DPYSL5: variants seen among roughly 807,000 people sequenced by gnomAD.
The protein encoded by DPYSL5 is dihydropyrimidinase like 5.
DPYSL5 carries 9 observed loss-of-function variants against 58.4 expected under a neutral mutation model. The observed-to-expected ratio is 0.15, with a 90% CI of 0.09 to 0.27. The LOEUF is 0.27. DPYSL5 is among the 10% of genes least tolerant of loss of function. The probability of loss-of-function intolerance (pLI) is 1.00; values close to 1 mark genes in which losing one functional copy is unlikely to be tolerated. For missense variants in DPYSL5, 499 were observed against 770.6 expected, an observed-to-expected ratio of 0.65 and a Z score of 4.17; for synonymous variants, 293 against 301.9, an observed-to-expected ratio of 0.97 and a Z score of 0.31.
chr2:26,940,140 G>A lies in DPYSL5; in HGVS notation c.1057G>A (p.Asp353Asn). The change falls in exon 9 of 13, where the codon GAC (aspartate) becomes AAC (asparagine). Residue 353 changes from aspartate to asparagine, a missense_variant. This residue lies in a region of DPYSL5 where 404 missense variants were observed against 647.6 expected (regional missense o/e 0.62). Coordinates refer to ENST00000288699, the MANE Select transcript of DPYSL5 (RefSeq NM_020134.4). The part of the protein sequence containing the change: ...KIPHGVSGVQ[D>N]RMSVIWERGV... ...CCCACATGGAGTGAGTGGCGTGCAG[G>A]ACCGCATGAGCGTCATCTGGGAGAG... 6.2e-7 allele frequency: 1 copy of A among 1,614,158 alleles called. No homozygotes were observed. The highest frequency in any genetic ancestry group is 2.2e-5 in the East Asian group (1 of 44,886).
chr2:26,879,634 T>C (rs914412031), intron 1 of DPYSL5, among the ~76,000 whole-genome samples: 18 of 152,178 alleles, frequency 1.2e-4, no homozygotes, highest in Non-Finnish European at 1.6e-4. Context: ...GATTTCCGTG[T>C]GTGACGAGCT....
intron 1 of DPYSL5, among the ~76,000 whole-genome samples, chr2:26,868,797 CATT>C (rs1371174982): frequency 6.6e-6 from 1 of 152,150 alleles, no homozygotes; most frequent in Non-Finnish European, 1.5e-5. Flanking sequence ...CTCTCAATTC[CATT>C]ATTATCTATT....
chr2:26,940,817 T>A (rs754738128), intron 9 of DPYSL5, among the ~76,000 whole-genome samples: 1 of 152,016 alleles, frequency 6.6e-6, no homozygotes, highest in Non-Finnish European at 1.5e-5. Flanking sequence ...TATTTAATCC[T>A]TCCCTGATGT....
At chr2:26,921,679 TG>T (rs1299654162) in intron 2 of DPYSL5, among the ~76,000 whole-genome samples, 1 of 152,214 alleles carries the variant, frequency 6.6e-6, no homozygotes, top group Non-Finnish European at 1.5e-5. Context: ...CATCAGTGTG[TG>T]GTGTGGGCTT....
At chr2:26,893,259 A>C (rs2148133314) in intron 1 of DPYSL5, among the ~76,000 whole-genome samples, 1 of 152,326 alleles carries the variant, frequency 6.6e-6, no homozygotes, top group Non-Finnish European at 1.5e-5. Context: ...GATTCCATGC[A>C]CTTGAGCCTG....
At chr2:26,931,152 A>AAAAAAAT (rs1209140758) in intron 5 of DPYSL5, among the ~76,000 whole-genome samples, 1 of 48,804 alleles carries the variant, frequency 2.0e-5, no homozygotes, top group African/African-American at 6.6e-5. Flanking sequence ...AAAAAAAAAA[A>AAAAAAAT]ATATATATAT....
rs769936301 is a variant in DPYSL5 at position 26,925,023 on chromosome 2, G to T, written c.398G>T (p.Gly133Val). The T allele has an allele frequency of 5.6e-6, 9 of 1,614,060 alleles. No homozygotes were observed. Among genetic ancestry groups the T allele is most frequent in the South Asian group, 2.2e-5 (2 of 91,074 alleles). ...TGCTGTGATTACGCCCTCCACGTGG[G>T]GATCACCTGGTGGGCACCCAAGGTA... is the stretch of plus-strand genomic sequence containing the variant. The part of the protein sequence containing the change: ...KVCCDYALHV[G>V]ITWWAPKVKA... The change falls in exon 3 of 13, where the codon GGG (glycine) becomes GTG (valine). Residue 133 changes from glycine to valine, a missense_variant. Around this residue, in one of 3 missense-constraint regions of DPYSL5, gnomAD observed 404 missense variants for 647.6 expected, o/e 0.62. Coordinates refer to ENST00000288699, the MANE Select transcript of DPYSL5 (RefSeq NM_020134.4). The surrounding 1 kb of genome is among the most constrained non-coding windows in gnomAD (Gnocchi z 4.5).
At chr2:26,926,271 A>G (rs533653007) in intron 3 of DPYSL5, among the ~76,000 whole-genome samples, 1 of 152,210 alleles carries the variant, frequency 6.6e-6, no homozygotes, top group Admixed American at 6.6e-5. Flanking sequence ...ATCACGCTGA[A>G]TGTCAGCCAT....
At chr2:26,885,823 C>T (rs756348745) in intron 1 of DPYSL5, among the ~76,000 whole-genome samples, 1 of 152,148 alleles carries the variant, frequency 6.6e-6, no homozygotes, top group African/African-American at 2.4e-5. Context: ...GTTCCTTGCC[C>T]CAGGGTTGGG....
At chr2:26,931,152 AAT>A (rs1553320830) in intron 5 of DPYSL5, among the ~76,000 whole-genome samples, 2 of 48,804 alleles carry the variant, frequency 4.1e-5, no homozygotes, top group Non-Finnish European at 8.3e-5. Context: ...AAAAAAAAAA[AAT>A]ATATATATAT....
chr2:26,915,827 T>C (rs1664549811), intron 2 of DPYSL5, among the ~76,000 whole-genome samples: 1 of 152,046 alleles, frequency 6.6e-6, no homozygotes, highest in African/African-American at 2.4e-5. Context: ...TCTCCTCTGA[T>C]CACCTCCATC....
intron 12 of DPYSL5, among the ~76,000 whole-genome samples, chr2:26,945,213 A>C (rs1356553656): frequency 2.9e-5 from 4 of 140,014 alleles, no homozygotes; most frequent in Admixed American, 7.1e-5. Flanking sequence ...ACCCCAGCCC[A>C]CTCCTCACCA....
Position 26,877,501 on chromosome 2 carries a change from G to A in DPYSL5, c.-4-20995G>A, listed in dbSNP as rs1663444213. ...CCCCACACCTGCTGAGTACATGCTG[G>A]GAAGATCATGTCAACCCTTGGAGCA... On this transcript the variant is annotated intron_variant, in intron 1 of 12. Coordinates refer to ENST00000288699, the MANE Select transcript of DPYSL5 (RefSeq NM_020134.4). This position sits in a 1 kb window ranked among gnomAD's most constrained non-coding sequence, Gnocchi z 4.1. Among the ~76,000 whole-genome samples the A allele has an allele frequency of 6.6e-6, 1 of 151,990 alleles. No individual in the cohort carries two copies. Among genetic ancestry groups the A allele is most frequent in the African/African-American group, 2.4e-5 (1 of 41,360 alleles).
Position 26,925,927 on chromosome 2 carries a change from T to C in DPYSL5, c.420+882T>C, listed in dbSNP as rs1664819349. Reference sequence around the variant, plus strand: ...GTTTTACCAACTCAGGAACTGCCTCTTCATTTTCCGTCAAAAACCCACTTG... The same window carrying C: ...GTTTTACCAACTCAGGAACTGCCTCCTCATTTTCCGTCAAAAACCCACTTG... On this transcript the variant is annotated intron_variant, in intron 3 of 12. Coordinates refer to ENST00000288699, the MANE Select transcript of DPYSL5 (RefSeq NM_020134.4). The surrounding 1 kb of genome is among the most constrained non-coding windows in gnomAD (Gnocchi z 4.5). 6.6e-6 allele frequency among the ~76,000 whole-genome samples: 1 copy of C among 152,218 alleles called. No individual in the cohort carries two copies. The highest frequency in any genetic ancestry group is 2.4e-5 in the African/African-American group (1 of 41,444).
intron 1 of DPYSL5, among the ~76,000 whole-genome samples, chr2:26,894,276 C>G (rs916919854): frequency 6.6e-6 from 1 of 152,004 alleles, no homozygotes; most frequent in African/African-American, 2.4e-5. Context: ...CAGTGGCTCC[C>G]CCACATCTTC....
In DPYSL5 at chr2:26,933,411, A is replaced by G. The variant is rs1439580632; in HGVS notation, c.790+78A>G. The stretch of plus-strand genomic sequence containing the variant: ...TGGATGGGGCCCATTAGCCGTGCTC[A>G]CTCCTGGCCCCGGCTCCTGAAACCA... On this transcript the variant is annotated intron_variant, in intron 7 of 12. Coordinates refer to ENST00000288699, the MANE Select transcript of DPYSL5 (RefSeq NM_020134.4). The surrounding 1 kb of genome is among the most constrained non-coding windows in gnomAD (Gnocchi z 4.2). The G allele has an allele frequency of 7.2e-7, 1 of 1,391,968 alleles. No homozygotes were observed. The highest frequency in any genetic ancestry group is 1.4e-5 in the African/African-American group (1 of 70,222). The allele number at this position is 1,391,968 out of a possible 1,614,324, so 86.2% of individuals were successfully genotyped here.
At chr2:26,931,169 A>ATGTGTGTGTGTGTGTGTG (rs1324624030) in intron 5 of DPYSL5, among the ~76,000 whole-genome samples, 11 of 45,704 alleles carry the variant, frequency 2.4e-4, no homozygotes, top group African/African-American at 7.7e-4. Flanking sequence ...ATATATATAT[A>ATGTGTGTGTGTGTGTGTG]TGTGTGTGTG....
intron 5 of DPYSL5, 121 bp downstream of exon 5, chr2:26,928,444 C>G: frequency 3.5e-6 from 4 of 1,135,720 alleles, no homozygotes; most frequent in Non-Finnish European, 5.1e-6. Context: ...GTCTGTAATC[C>G]CAACATTTGG....
chr2:26,904,672 C>T (rs941388640), intron 2 of DPYSL5, among the ~76,000 whole-genome samples: 8 of 152,106 alleles, frequency 5.3e-5, no homozygotes, highest in African/African-American at 9.7e-5. Context: ...GGAGGCCAAG[C>T]GGGGAAGATC....
Sources: allele counts gnomAD v4.1 joint callset (sites outside exome capture counted in the v4.1 genomes callset), GRCh38; gene constraint gnomAD v4.1.1; regional missense constraint gnomAD v4.1.1; non-coding constraint Gnocchi (gnomAD v3.1); transcripts MANE v1.5; gene names NCBI Gene and HGNC (gene_info 2026-07-23, HGNC 2026-07-21).